PCDHGB7: variants seen among roughly 807,000 people sequenced by gnomAD.
The protein encoded by PCDHGB7 is protocadherin gamma-B7.
In PCDHGB7, 37 loss-of-function variants were observed where a neutral mutation model predicts 61.4. The observed-to-expected ratio is 0.60, with a 90% confidence interval of 0.46 to 0.79. PCDHGB7 has a LOEUF of 0.79. Ranked by LOEUF, PCDHGB7 falls within the 30% of genes least tolerant of loss-of-function variation. The pLI, the probability that PCDHGB7 is intolerant of heterozygous loss-of-function variation, is 0.00. For synonymous variants in PCDHGB7, 464 were observed against 503.5 expected (o/e 0.92, Z 1.05); for missense variants, 1,166 against 1,202.5 (o/e 0.97, Z 0.45).
chr5:141,453,333 A>T (rs181261279), intron 1 of PCDHGB7, among the ~76,000 whole-genome samples: 3 of 151,914 alleles, frequency 2.0e-5, no homozygotes, highest in Admixed American at 1.3e-4. Context: ...GGGTCTCACT[A>T]TGTTTCCCCA....
Position 141,431,241 on chromosome 5 carries a change from A to T in PCDHGB7, c.2415+10967A>T. On this transcript the variant is annotated intron_variant, in intron 1 of 3. Coordinates refer to ENST00000398594, the MANE Select transcript of PCDHGB7 (RefSeq NM_018927.4). This position sits in a 1 kb window ranked among gnomAD's most constrained non-coding sequence, Gnocchi z 4.8. ...CCTCTACCCCACGCCTGGGATCCGG[A>T]TATCGGGAAGAACTCTCTGCAGAGC... The T allele has an allele frequency of 6.2e-7, 1 of 1,614,138 alleles. No individual in the cohort carries two copies. The highest frequency in any genetic ancestry group is 8.5e-7 in the Non-Finnish European group (1 of 1,180,046).
chr5:141,500,400 G>A (rs2099799942), intron 2 of PCDHGB7, among the ~76,000 whole-genome samples: 1 of 151,666 alleles, frequency 6.6e-6, no homozygotes, highest in East Asian at 1.9e-4. Context: ...TAGTAGAGAC[G>A]GGGTTTCACC....
At chr5:141,464,580 G>A (rs1459502164) in intron 1 of PCDHGB7, among the ~76,000 whole-genome samples, 1 of 152,118 alleles carries the variant, frequency 6.6e-6, no homozygotes, top group East Asian at 1.9e-4. Context: ...AGATGAGAAT[G>A]TCCATTGTCC....
At position 141,418,730 on chromosome 5, in the gene PCDHGB7, G is replaced by A. The variant is rs371887408; in HGVS notation, c.871G>A (p.Val291Met). The A allele has an allele frequency of 6.2e-6, 10 of 1,613,832 alleles. No homozygotes were observed. Among genetic ancestry groups the A allele is most frequent in the African/African-American group, 1.3e-5 (1 of 74,940 alleles). The stretch of plus-strand genomic sequence containing the variant: ...TGGTGTGGCTGACAAAGCTCAGCAC[G>A]TGTTCTCTCTGGATTACACTACAGG... ...FFGVADKAQH[V>M]FSLDYTTGNI... Residue 291 changes from valine to methionine, a missense_variant, in exon 1 of 4, where the codon GTG becomes ATG. Physicochemically the swap from Val to Met is conservative, Grantham distance 21. Coordinates refer to ENST00000398594, the MANE Select transcript of PCDHGB7 (RefSeq NM_018927.4).
At chr5:141,466,034 A>T (rs189202430) in intron 1 of PCDHGB7, among the ~76,000 whole-genome samples, 1,557 of 152,178 alleles carry the variant, frequency 0.01, 35 homozygotes, top group African/African-American at 0.035. Flanking sequence ...AGGCAGGAGA[A>T]CGGCATGAAC....
In PCDHGB7 at chr5:141,490,598, G is replaced by A. The variant is rs141484080; in HGVS notation, c.2416-4209G>A. On this transcript the variant is annotated intron_variant, in intron 1 of 3. Transcript: ENST00000398594. This position sits in a 1 kb window ranked among gnomAD's most constrained non-coding sequence, Gnocchi z 5.4. ...TCAGATGTCAATGACAATGCACCCC[G>A]CTTCAACCAGCAGCTTTACACTGCT... 309 of 1,614,062 alleles carry A rather than the reference G, an allele frequency of 1.9e-4. 2 individuals carry two copies. Among genetic ancestry groups the A allele is most frequent in the Admixed American group, 5.0e-4 (30 of 60,018 alleles).
At chr5:141,509,782 C>A (rs2099878218) in intron 3 of PCDHGB7, among the ~76,000 whole-genome samples, 1 of 152,144 alleles carries the variant, frequency 6.6e-6, no homozygotes, top group Admixed American at 6.5e-5. Context: ...TCCCCGAGAT[C>A]ATCATCTCCT....
rs1562144438 is a variant in PCDHGB7, at chr5:141,491,135, G to A, written c.2416-3672G>A. On this transcript the variant is annotated intron_variant, in intron 1 of 3. Transcript: ENST00000398594. The surrounding 1 kb of genome is among the most constrained non-coding windows in gnomAD (Gnocchi z 6.9). Reference sequence around the variant, plus strand: ...CACACTGGTGAGGTGCGCACAGCCCGGGCCTTACTGGAGGATGACTCTGAC... The same window carrying A: ...CACACTGGTGAGGTGCGCACAGCCCAGGCCTTACTGGAGGATGACTCTGAC... 4 of 1,614,104 alleles carry A rather than the reference G, an allele frequency of 2.5e-6. No homozygotes were observed. The highest frequency in any genetic ancestry group is 1.3e-5 in the African/African-American group (1 of 75,034).
chr5:141,478,752 G>A (rs2099475483), intron 1 of PCDHGB7: 2 of 1,521,420 alleles, frequency 1.3e-6, no homozygotes, highest in South Asian at 1.3e-5. Context: ...CATTTCAGGG[G>A]GAAGATACTT....
chr5:141,418,178 G>A lies in PCDHGB7; in HGVS notation c.319G>A (p.Glu107Lys). 1 of 1,614,080 alleles carries A rather than the reference G, an allele frequency of 6.2e-7. No individual in the cohort carries two copies. The highest frequency in any genetic ancestry group is 8.5e-7 in the Non-Finnish European group (1 of 1,179,904). ...GAGAAGAAGATGTGAGTTGCAATTG[G>A]AAGCTGTGGTGGAAAATCCTTTAAA... ...KERRRCELQL[E>K]AVVENPLNIF... The change falls in exon 1 of 4, where the codon GAA becomes AAA. Residue 107 changes from glutamate (E) to lysine (K), a missense_variant. Glu to Lys is a moderately conservative substitution (Grantham distance 56, BLOSUM62 1). Coordinates refer to ENST00000398594, the MANE Select transcript of PCDHGB7 (RefSeq NM_018927.4).
In PCDHGB7 at chr5:141,418,655, G is replaced by A; in HGVS notation, c.796G>A (p.Ala266Thr). 5 of 1,614,002 alleles carry A rather than the reference G, an allele frequency of 3.1e-6. No individual in the cohort carries two copies. Among genetic ancestry groups the A allele is most frequent in the Non-Finnish European group, 4.2e-6 (5 of 1,179,886 alleles). Reference sequence around the variant, plus strand: ...AGGCACCTCCATCCTGAGAGTGAAGGCCACTGACCAGGACGAGGGCATCAA... The same window carrying A: ...AGGCACCTCCATCCTGAGAGTGAAGACCACTGACCAGGACGAGGGCATCAA... ...PPGTSILRVK[A>T]TDQDEGINSE... The change falls in exon 1 of 4, where the codon GCC becomes ACC. Residue 266 changes from alanine to threonine, a missense_variant. Coordinates refer to ENST00000398594, the MANE Select transcript of PCDHGB7 (RefSeq NM_018927.4).
intron 1 of PCDHGB7, chr5:141,441,978 A>T (rs769977785): frequency 9.1e-5 from 26 of 285,248 alleles, no homozygotes; most frequent in Non-Finnish European, 1.8e-4. Flanking sequence ...TCAGCCTGGA[A>T]TGCGCACCGA....
At chr5:141,420,458 CAA>C (rs1269245240) in intron 1 of PCDHGB7, 184 bp downstream of exon 1, 1 of 925,076 alleles carries the variant, frequency 1.1e-6, no homozygotes, top group Non-Finnish European at 1.5e-6. Context: ...TCCTACTATT[CAA>C]AGACATTTTA....
In PCDHGB7 at chr5:141,489,068, G is replaced by GGC; in HGVS notation, c.2416-5739_2416-5738insGC. 1 of 291,558 alleles carries GGC rather than the reference G, an allele frequency of 3.4e-6. No individual in the cohort carries two copies. The allele number at this position is 291,558 out of a possible 1,614,324, so 18.1% of individuals were successfully genotyped here. ...CTCAAATTCAGCTCCCCTCCCCCCT[G>GGC]CCCACCCCCGCCACTCGGTGACTAA... On this transcript the variant is annotated intron_variant, in intron 1 of 3. Transcript: ENST00000398594. The surrounding 1 kb of genome is among the most constrained non-coding windows in gnomAD (Gnocchi z 4.5).
At chr5:141,450,006 C>CTATTTTTTTTTTTT (rs70988802) in intron 1 of PCDHGB7, among the ~76,000 whole-genome samples, 1 of 132,966 alleles carries the variant, frequency 7.5e-6, no homozygotes, top group Non-Finnish European at 1.6e-5. Flanking sequence ...TGCCATGTCT[C>CTATTTTTTTTTTTT]TTTTTTTTTT....
At chr5:141,498,467 G>C (rs535351060) in intron 2 of PCDHGB7, among the ~76,000 whole-genome samples, 1 of 152,116 alleles carries the variant, frequency 6.6e-6, no homozygotes, top group East Asian at 1.9e-4. Context: ...GTCTAACCCT[G>C]GTTCCAGCCT....
chr5:141,475,823 T>C (rs2099373850), intron 1 of PCDHGB7: 1 of 360,288 alleles, frequency 2.8e-6, no homozygotes, highest in Non-Finnish European at 5.0e-6. Context: ...TTCCTGGCGC[T>C]AGCGCGTGTC....
chr5:141,439,796 G>A (rs980000701), intron 1 of PCDHGB7: 1 of 152,318 alleles, frequency 6.6e-6, no homozygotes. Flanking sequence ...AATCCAAGAA[G>A]AGTTTGAAAA....
intron 2 of PCDHGB7, among the ~76,000 whole-genome samples, chr5:141,501,700 C>T (rs936448354): frequency 6.6e-6 from 1 of 151,950 alleles, no homozygotes; most frequent in African/African-American, 2.4e-5. Flanking sequence ...AGGGTGATTC[C>T]GAGGATAAAA....
Sources: allele counts gnomAD v4.1 joint callset (sites outside exome capture counted in the v4.1 genomes callset), GRCh38; gene constraint gnomAD v4.1.1; non-coding constraint Gnocchi (gnomAD v3.1); transcripts MANE v1.5; gene names NCBI Gene and HGNC (gene_info 2026-07-23, HGNC 2026-07-21).